SUSD2: variants seen among roughly 807,000 people sequenced by gnomAD.
SUSD2 encodes sushi domain containing 2, also known as sushi domain-containing protein 2.
Under a neutral mutation model 93.8 loss-of-function variants are expected in SUSD2, and 86 were observed. The observed-to-expected ratio is 0.92, with a 90% CI of 0.77 to 1.10. The LOEUF (loss-of-function observed/expected upper bound fraction) is 1.10, where lower values mean the gene tolerates loss of function less well. Ranked by LOEUF, SUSD2 falls within the 50% of genes least tolerant of loss-of-function variation. SUSD2 has a pLI of 0.00. For synonymous variants in SUSD2, 483 were observed against 485.0 expected (o/e 1.00, Z 0.05); for missense variants, 1,060 against 1,137.0 (o/e 0.93, Z 0.97).
At chr22:24,182,307 CCCACCGGTCTTATGGCCCA>C (rs1412838988) in intron 1 of SUSD2, among the ~76,000 whole-genome samples, 7 of 152,150 alleles carry the variant, frequency 4.6e-5, no homozygotes, top group Non-Finnish European at 1.0e-4. Context: ...TATGGCCTTG[CCCACCGGTCTTATGGCCCA>C]TAGGAGAAGT....
At chr22:24,183,379 CAGG>C in intron 2 of SUSD2, 112 bp downstream of exon 2, 1 of 1,521,274 alleles carries the variant, frequency 6.6e-7, no homozygotes, top group Non-Finnish European at 8.9e-7. Context: ...CCAGGACAGG[CAGG>C]AGGGCACAGG....
At position 24,184,835 on chromosome 22, in the gene SUSD2, A is replaced by G. The variant is rs1471683653; in HGVS notation, c.677A>G (p.Asn226Ser). The G allele has an allele frequency of 6.2e-7, 1 of 1,613,756 alleles. No homozygotes were observed. The highest frequency in any genetic ancestry group is 1.7e-5 in the Admixed American group (1 of 59,998). ...YLYPLATHIP[N>S]SGSFTFTPKP... ...TACCCCCTGGCCACACACATCCCCAACTCCGGCTCTTTCACTTTCACCCCA... is the reference window on the plus strand; with the variant it reads ...TACCCCCTGGCCACACACATCCCCAGCTCCGGCTCTTTCACTTTCACCCCA... Residue 226 changes from asparagine (N) to serine (S), a missense_variant, in exon 5 of 15, where the codon AAC becomes AGC. By Grantham distance (46) the Asn-to-Ser change is conservative. This residue lies in a region of SUSD2 where 973 missense variants were observed against 1,005.3 expected (regional missense o/e 0.97). Transcript: ENST00000358321.
Position 24,185,323 on chromosome 22 carries a change from G to A in SUSD2, c.984+28G>A, listed in dbSNP as rs1172938927. ...GAGCCTCCCATCAGGGCCCAGGAGA[G>A]GGGATGAGGGGTTAGCCTCCCCACT... On this transcript the variant is annotated intron_variant, in intron 6 of 14. Transcript: ENST00000358321. 1.9e-6 allele frequency: 3 copies of A among 1,595,868 alleles called. No individual in the cohort carries two copies. The African/African-American group carries it at 4.0e-5, about 21-fold the overall frequency.
chr22:24,183,242 C>G lies in SUSD2; in HGVS notation c.262C>G (p.Pro88Ala), dbSNP rs2047336619. Residue 88 changes from proline (P) to alanine (A), a missense_variant, in exon 2 of 15, where the codon CCC becomes GCC. This residue lies in a region of SUSD2 where 87 missense variants were observed against 131.6 expected (regional missense o/e 0.66). Coordinates refer to ENST00000358321, the MANE Select transcript of SUSD2 (RefSeq NM_019601.4). The stretch of plus-strand genomic sequence containing the variant: ...GGTGCGGCACTTCAAGATGTCCAGC[C>G]CCACAGACGCCAGTGTGATCTGCAG... ...FVVRHFKMSS[P>A]TDASVICRFK... 2 of 1,613,396 alleles carry G rather than the reference C, an allele frequency of 1.2e-6. No individual in the cohort carries two copies. Among genetic ancestry groups the G allele is most frequent in the Non-Finnish European group, 8.5e-7 (1 of 1,179,728 alleles).
chr22:24,186,307 A>G lies in SUSD2; in HGVS notation c.1534A>G (p.Asn512Asp), dbSNP rs1408388296. The change falls in exon 10 of 15, where the codon AAC becomes GAC. Residue 512 changes from asparagine to aspartate, a missense_variant. Physicochemically the swap from Asn to Asp is conservative, Grantham distance 23. This residue lies in a region of SUSD2 where 973 missense variants were observed against 1,005.3 expected (regional missense o/e 0.97). Transcript: ENST00000358321. ...GLTAVAVQEG[N>D]SDVVEVRLAN... is the part of the protein sequence containing the mutation. ...GACCGCAGTGGCCGTCCAGGAGGGC[A>G]ACTCAGATGTGGTGGAAGTCAGGCT... 2 of 1,613,928 alleles carry G rather than the reference A, an allele frequency of 1.2e-6. No individual in the cohort carries two copies. The highest frequency in any genetic ancestry group is 1.1e-5 in the South Asian group (1 of 91,078).
At chr22:24,186,599 G>A (rs150184502) in intron 10 of SUSD2, 184 bp downstream of exon 10, 52 of 677,480 alleles carry the variant, frequency 7.7e-5, no homozygotes, top group African/African-American at 7.4e-4. Flanking sequence ...GTCAAAAGCC[G>A]AGAGGCCGTG....
chr22:24,186,720 C>T, intron 10 of SUSD2: 1 of 458,156 alleles, frequency 2.2e-6, no homozygotes, highest in Non-Finnish European at 4.0e-6. Context: ...GCTCCTGTCA[C>T]TCCCTCAGTC....
In SUSD2 at chr22:24,188,481, C is replaced by T. The variant is rs767454492; in HGVS notation, c.*45C>T. 4.4e-6 allele frequency: 7 copies of T among 1,589,284 alleles called. No homozygotes were observed. The Middle Eastern group carries it at 5.0e-4, about 113-fold the overall frequency. ...AGCACCAGGCCAAGACTCCTGAGAA[C>T]AGGCAGCCCAGTCCTGCGACTCCCG... On this transcript the variant is annotated 3_prime_UTR_variant, in exon 15 of 15. Coordinates refer to ENST00000358321, the MANE Select transcript of SUSD2 (RefSeq NM_019601.4). The surrounding 1 kb of genome is among the most constrained non-coding windows in gnomAD (Gnocchi z 4.7).
Position 24,186,353 on chromosome 22 carries a change from T to TGGAGGTGCTGCTGAACCA in SUSD2, c.1591_1608dup (p.Leu531_Leu536dup). 2 of 1,613,888 alleles carry TGGAGGTGCTGCTGAACCA rather than the reference T, an allele frequency of 1.2e-6. No homozygotes were observed. Among genetic ancestry groups the TGGAGGTGCTGCTGAACCA allele is most frequent in the Non-Finnish European group, 1.7e-6 (2 of 1,180,028 alleles). On this transcript the variant is annotated inframe_insertion, in exon 10 of 15. Coordinates refer to ENST00000358321, the MANE Select transcript of SUSD2 (RefSeq NM_019601.4). ...AGGCTGGCCAACAGGACCGGAGGTC[T>TGGAGGTGCTGCTGAACCA]GGAGGTGCTGCTGAACCAGGAGGTG... is the stretch of plus-strand genomic sequence containing the variant.
chr22:24,185,595 T>C (rs2047357990), intron 7 of SUSD2, 24 bp downstream of exon 7: 1 of 1,600,416 alleles, frequency 6.2e-7, no homozygotes. Context: ...CTGGGGCCGG[T>C]ATGGGGATTG....
Position 24,185,826 on chromosome 22 carries a change from T to C in SUSD2, c.1236T>C (p.Asp412=). The C allele has an allele frequency of 6.2e-7, 1 of 1,609,430 alleles. No homozygotes were observed. Among genetic ancestry groups the C allele is most frequent in the Non-Finnish European group, 8.5e-7 (1 of 1,178,188 alleles). ...RVPSMSHWLY[D]VLSFYYCCLW... Reference sequence around the variant, plus strand: ...CCAGCATGTCCCACTGGCTCTACGATGTCCTCAGCTTCTATTACTGCTGCC... The same window carrying C: ...CCAGCATGTCCCACTGGCTCTACGACGTCCTCAGCTTCTATTACTGCTGCC... The change falls in exon 8 of 15, where the codon GAT becomes GAC. Residue 412 remains aspartate (D), a synonymous_variant. Coordinates refer to ENST00000358321, the MANE Select transcript of SUSD2 (RefSeq NM_019601.4).
At chr22:24,184,631 T>C (rs541867470) in intron 4 of SUSD2, 135 bp from the exon 5 acceptor site, 2 of 701,902 alleles carry the variant, frequency 2.8e-6, no homozygotes, top group Admixed American at 3.1e-5. Context: ...CAAGCCGGGG[T>C]CCCTGCTAGA....
In SUSD2 at chr22:24,183,559, C is replaced by A. The variant is rs1243111268; in HGVS notation, c.352C>A (p.Pro118Thr). 1.2e-6 allele frequency: 2 copies of A among 1,613,510 alleles called. No individual in the cohort carries two copies. Among genetic ancestry groups the A allele is most frequent in the Non-Finnish European group, 1.7e-6 (2 of 1,180,006 alleles). The change falls in exon 3 of 15, where the codon CCT (proline) becomes ACT (threonine). Residue 118 changes from proline (P) to threonine (T), a missense_variant. Around this residue, in one of 2 missense-constraint regions of SUSD2, gnomAD observed 973 missense variants for 1,005.3 expected, o/e 0.97. Transcript: ENST00000358321. ...DSSGQVHCVS[P>T]LLYESGRIPF... ...CTCCGGGCAAGTGCACTGTGTGTCA[C>A]CTCTGCTCTATGAGAGCGGCCGCAT...
Position 24,185,155 on chromosome 22 carries a change from CGA to C in SUSD2, c.848_849del (p.Glu283GlyfsTer40). ...ALAWHLSDDF[R>X]EDPVAWARTQ... is the part of the protein sequence containing the mutation. Reference sequence around the variant, plus strand: ...GGCCTGGCACCTGAGCGATGACTTCCGAGAGGACCCTGTGGCCTGGGCACGAA... The same window carrying C: ...GGCCTGGCACCTGAGCGATGACTTCCGAGGACCCTGTGGCCTGGGCACGAA... On this transcript the variant is annotated frameshift_variant, in exon 6 of 15. Transcript: ENST00000358321. LOFTEE classifies it high-confidence loss of function. 6.2e-7 allele frequency: 1 copy of C among 1,612,682 alleles called. No homozygotes were observed. The highest frequency in any genetic ancestry group is 8.5e-7 in the Non-Finnish European group (1 of 1,179,782).
chr22:24,188,526 C>A lies in SUSD2; in HGVS notation c.*90C>A. 1 of 1,276,332 alleles carries A rather than the reference C, an allele frequency of 7.8e-7. No homozygotes were observed. Among genetic ancestry groups the A allele is most frequent in the African/African-American group, 1.5e-5 (1 of 68,442 alleles). 79.1% of individuals were successfully genotyped at this position (1,276,332 alleles called of 1,614,324 possible). A position where few individuals can be genotyped will look rare whatever the true frequency, so the allele number is the denominator to read the frequency against. Reference sequence around the variant, plus strand: ...CTCCCGCATCCCCAGGACCAGACACCTGGGACCTGGATACTTGATACCTGG... The same window carrying A: ...CTCCCGCATCCCCAGGACCAGACACATGGGACCTGGATACTTGATACCTGG... On this transcript the variant is annotated 3_prime_UTR_variant, in exon 15 of 15. Transcript: ENST00000358321. This position sits in a 1 kb window ranked among gnomAD's most constrained non-coding sequence, Gnocchi z 4.7.
Position 24,187,402 on chromosome 22 carries a change from C to T in SUSD2, c.1843C>T (p.Leu615=). 6.2e-7 allele frequency: 1 copy of T among 1,613,788 alleles called. No individual in the cohort carries two copies. Among genetic ancestry groups the T allele is most frequent in the South Asian group, 1.1e-5 (1 of 91,084 alleles). ...DDFTLHSGRV[L]PPGTSPQELF... ...CTTCACCCTGCACAGCGGGCGCGTC[C>T]TGCCCCCAGGCACCAGTCCCCAGGA... Residue 615 remains leucine, a synonymous_variant, in exon 11 of 15, where the codon CTG becomes TTG. Coordinates refer to ENST00000358321, the MANE Select transcript of SUSD2 (RefSeq NM_019601.4).
rs2047378893 is a variant in SUSD2 at position 24,187,675 on chromosome 22, C to T, written c.1996C>T (p.Pro666Ser). The change falls in exon 12 of 15, where the codon CCC (proline) becomes TCC (serine). Residue 666 changes from proline (P) to serine (S), a missense_variant. Coordinates refer to ENST00000358321, the MANE Select transcript of SUSD2 (RefSeq NM_019601.4). ...KHDPTFEPLF[P>S]SETTLNPSLA... ...CGACCCCACCTTCGAGCCCCTCTTC[C>T]CCAGTGAGACCACCCTCAACCCCAG... 2 of 1,614,022 alleles carry T rather than the reference C, an allele frequency of 1.2e-6. No individual in the cohort carries two copies. Among genetic ancestry groups the T allele is most frequent in the Non-Finnish European group, 1.7e-6 (2 of 1,180,040 alleles).
At chr22:24,185,326 G>T in intron 6 of SUSD2, 31 bp downstream of exon 6, 2 of 1,595,480 alleles carry the variant, frequency 1.3e-6, no homozygotes, top group African/African-American at 1.3e-5. Context: ...CAGGAGAGGG[G>T]ATGAGGGGTT....
Position 24,183,095 on chromosome 22 carries a change from G to A in SUSD2, c.115G>A (p.Asp39Asn). The A allele has an allele frequency of 6.2e-7, 1 of 1,613,994 alleles. No individual in the cohort carries two copies. ...ESCSMRCGAL[D>N]GPCSCHPTCS... ...CTGCTCCATGCGCTGTGGCGCCCTG[G>A]ACGGGCCATGTTCCTGCCACCCGAC... is the stretch of plus-strand genomic sequence containing the variant. Residue 39 changes from aspartate to asparagine, a missense_variant, in exon 2 of 15, where the codon GAC (aspartate) becomes AAC (asparagine). Around this residue, in one of 2 missense-constraint regions of SUSD2, gnomAD observed 87 missense variants for 131.6 expected, o/e 0.66. Coordinates refer to ENST00000358321, the MANE Select transcript of SUSD2 (RefSeq NM_019601.4).
Sources: allele counts gnomAD v4.1 joint callset (sites outside exome capture counted in the v4.1 genomes callset), GRCh38; gene constraint gnomAD v4.1.1; regional missense constraint gnomAD v4.1.1; non-coding constraint Gnocchi (gnomAD v3.1); transcripts MANE v1.5; gene names NCBI Gene and HGNC (gene_info 2026-07-23, HGNC 2026-07-21).